P2RX1: variants seen among roughly 807,000 people sequenced by gnomAD.
P2RX1 encodes the protein P2X purinoceptor 1.
P2RX1 carries 42 observed loss-of-function variants against 50.3 expected under a neutral mutation model. The ratio of observed to expected loss-of-function variants is 0.83; its 90% confidence interval spans 0.65 to 1.08. The LOEUF (loss-of-function observed/expected upper bound fraction) is 1.08, where lower values mean the gene tolerates loss of function less well. Ranked by LOEUF, P2RX1 falls within the 50% of genes least tolerant of loss-of-function variation. The pLI is 0.00. For missense variants in P2RX1, 449 were observed against 529.0 expected, an observed-to-expected ratio of 0.85 and a Z score of 1.48; for synonymous variants, 199 against 202.6, an observed-to-expected ratio of 0.98 and a Z score of 0.15.
chr17:3,909,970 CTTTT>C (rs751349796), intron 1 of P2RX1, among the ~76,000 whole-genome samples: 2 of 107,420 alleles, frequency 1.9e-5, no homozygotes, highest in African/African-American at 3.3e-5. Context: ...CTGATAAATT[CTTTT>C]TTTTTTTTTT....
intron 8 of P2RX1, 53 bp from the exon 9 acceptor site, chr17:3,899,077 C>T: frequency 1.5e-6 from 2 of 1,295,148 alleles, no homozygotes; most frequent in African/African-American, 2.9e-5. Context: ...TGTCTTGGGT[C>T]TGGAGTTCTT....
chr17:3,916,434 A>T lies in P2RX1; in HGVS notation c.-209T>A. 1 of 580,376 alleles carries T rather than the reference A, an allele frequency of 1.7e-6. No individual in the cohort carries two copies. 36.0% of individuals were successfully genotyped at this position (580,376 alleles called of 1,614,324 possible). The stretch of plus-strand genomic sequence containing the variant: ...GGAGAGAGAATCCCTGGGTGATCAG[A>T]GCAGCTCTTGGCCCCTGGAAGGCAA... On this transcript the variant is annotated 5_prime_UTR_variant, in exon 1 of 12. Coordinates refer to ENST00000225538, the MANE Select transcript of P2RX1 (RefSeq NM_002558.4).
chr17:3,898,357 A>G, intron 10 of P2RX1, 127 bp downstream of exon 10: 1 of 820,022 alleles, frequency 1.2e-6, no homozygotes, highest in South Asian at 1.4e-5. Context: ...TGGGGTGGGC[A>G]GCTGCTGGCT....
intron 1 of P2RX1, among the ~76,000 whole-genome samples, chr17:3,907,057 G>C (rs2056278592): frequency 6.6e-6 from 1 of 152,112 alleles, no homozygotes; most frequent in Non-Finnish European, 1.5e-5. Flanking sequence ...GATAGAGAGG[G>C]GCAGAATCCT....
chr17:3,909,562 A>G (rs564335690), intron 1 of P2RX1, among the ~76,000 whole-genome samples: 5 of 152,164 alleles, frequency 3.3e-5, no homozygotes, highest in African/African-American at 9.6e-5. Flanking sequence ...TTCAACAAAC[A>G]TGAGCCGGGT....
chr17:3,903,878 T>G lies in P2RX1; in HGVS notation c.524+50A>C, dbSNP rs765311796. On this transcript the variant is annotated intron_variant, in intron 5 of 11. Coordinates refer to ENST00000225538, the MANE Select transcript of P2RX1 (RefSeq NM_002558.4). This position sits in a 1 kb window ranked among gnomAD's most constrained non-coding sequence, Gnocchi z 4.6. Reference sequence around the variant, plus strand: ...TCCTTTCTAGACCTAGGCCCCCCTCTGTCTGGCCTGGGACCCTGTTCTTAG... The same window carrying G: ...TCCTTTCTAGACCTAGGCCCCCCTCGGTCTGGCCTGGGACCCTGTTCTTAG... The G allele has an allele frequency of 2.7e-6, 4 of 1,459,328 alleles. No individual in the cohort carries two copies. The Admixed American group carries it at 6.7e-5, about 24-fold the overall frequency. The allele number at this position is 1,459,328 out of a possible 1,614,324, so 90.4% of individuals were successfully genotyped here.
chr17:3,899,008 C>T lies in P2RX1; in HGVS notation c.892G>A (p.Val298Met), dbSNP rs376505620. Residue 298 changes from valine to methionine, a missense_variant, in exon 9 of 12, where the codon GTG (valine) becomes ATG (methionine). Coordinates refer to ENST00000225538, the MANE Select transcript of P2RX1 (RefSeq NM_002558.4). ...GFNFRFARHFVENGTNYRHLF... is the reference protein window; with the variant it reads ...GFNFRFARHFMENGTNYRHLF... ...TGACGGTAGTTGGTCCCGTTCTCCACAAAGTGCCTGGCAAACCTTGGGGAA... is the reference window on the plus strand; with the variant it reads ...TGACGGTAGTTGGTCCCGTTCTCCATAAAGTGCCTGGCAAACCTTGGGGAA... The T allele has an allele frequency of 1.1e-5, 17 of 1,612,840 alleles. No individual in the cohort carries two copies. The African/African-American group carries it at 2.0e-4, about 19-fold the overall frequency.
rs1259585036 is a variant in P2RX1, at chr17:3,904,891, C to A, written c.324G>T (p.Val108=). 3 of 1,590,324 alleles carry A rather than the reference C, an allele frequency of 1.9e-6. No homozygotes were observed. The African/African-American group carries it at 4.1e-5, about 22-fold the overall frequency. The change falls in exon 3 of 12, where the codon GTG becomes GTT. Residue 108 remains valine (V), a synonymous_variant. Transcript: ENST00000225538. ...AGTAGCCTTGAGTCTGCTTCGGGGT[C>A]ACGATGAAATTGGTCATGACCACGA... ...NSFVVMTNFI[V]TPKQTQGYCA... is the part of the protein sequence containing the mutation.
At chr17:3,902,523 T>C (rs1157314420) in intron 7 of P2RX1, among the ~76,000 whole-genome samples, 1 of 152,094 alleles carries the variant, frequency 6.6e-6, no homozygotes, top group Admixed American at 6.5e-5. Context: ...CTCGAACTCC[T>C]GACCTCAGGT....
chr17:3,897,511 C>T lies in P2RX1; in HGVS notation c.*303G>A, dbSNP rs868558712. 21 of 520,124 alleles carry T rather than the reference C, an allele frequency of 4.0e-5. No homozygotes were observed. The highest frequency in any genetic ancestry group is 2.1e-4 in the African/African-American group (11 of 52,356). The allele number at this position is 520,124 out of a possible 1,614,324, so 32.2% of individuals were successfully genotyped here. Reference sequence around the variant, plus strand: ...GGCAGCGGGTTGGATAATGAGAGTCCGGAGAGAGAAGCACGAAGCTAGGGT... The same window carrying T: ...GGCAGCGGGTTGGATAATGAGAGTCTGGAGAGAGAAGCACGAAGCTAGGGT... On this transcript the variant is annotated 3_prime_UTR_variant, in exon 12 of 12. Coordinates refer to ENST00000225538, the MANE Select transcript of P2RX1 (RefSeq NM_002558.4).
intron 7 of P2RX1, among the ~76,000 whole-genome samples, chr17:3,901,302 C>T (rs894432242): frequency 4.6e-5 from 7 of 152,282 alleles, no homozygotes; most frequent in African/African-American, 1.2e-4. Context: ...CTCCTGACCT[C>T]GTGATCCGCC....
At chr17:3,905,448 A>T (rs911259977) in intron 1 of P2RX1, 81 bp from the exon 2 acceptor site, 1 of 1,527,494 alleles carries the variant, frequency 6.5e-7, no homozygotes, top group Admixed American at 1.7e-5. Flanking sequence ...CCCTCCCCAG[A>T]TGTGCCTCTG....
At chr17:3,898,153 G>A (rs753255257) in intron 10 of P2RX1, 43 bp from the exon 11 acceptor site, 3 of 1,542,022 alleles carry the variant, frequency 1.9e-6, no homozygotes, top group South Asian at 2.2e-5. Context: ...GGAATCCGGG[G>A]GTGGGTACGG....
Position 3,915,186 on chromosome 17 carries a change from C to T in P2RX1, c.137+903G>A, listed in dbSNP as rs138001210. Reference sequence around the variant, plus strand: ...CCCCCTCCAGTGGCCCTGGGGCCTCCAGGAGACCTCTGCAGAGTCACTGTG... The same window carrying T: ...CCCCCTCCAGTGGCCCTGGGGCCTCTAGGAGACCTCTGCAGAGTCACTGTG... On this transcript the variant is annotated intron_variant, in intron 1 of 11. Transcript: ENST00000225538. Among the ~76,000 whole-genome samples, 1,164 of 152,312 alleles carry T rather than the reference C, an allele frequency of 7.6e-3. 26 individuals carry two copies. Among genetic ancestry groups the T allele is most frequent in the East Asian group, 0.069 (357 of 5,178 alleles).
intron 7 of P2RX1, among the ~76,000 whole-genome samples, chr17:3,901,535 C>G (rs928587677): frequency 6.6e-6 from 1 of 152,212 alleles, no homozygotes; most frequent in African/African-American, 2.4e-5. Flanking sequence ...CCACAGCTGA[C>G]TTGGGTAGTT....
intron 1 of P2RX1, among the ~76,000 whole-genome samples, chr17:3,913,783 T>G (rs2056403515): frequency 6.6e-6 from 1 of 152,192 alleles, no homozygotes; most frequent in South Asian, 2.1e-4. Flanking sequence ...TTCCATCCCC[T>G]GGCAGTGCCC....
At chr17:3,897,905 G>T in intron 11 of P2RX1, 26 bp from the exon 12 acceptor site, 1 of 1,613,632 alleles carries the variant, frequency 6.2e-7, no homozygotes, top group Non-Finnish European at 8.5e-7. Flanking sequence ...AAGGGTTGGG[G>T]GATACAAGTC....
Position 3,904,402 on chromosome 17 carries a change from G to A in P2RX1, c.358-3C>T. The A allele has an allele frequency of 2.5e-6, 4 of 1,613,112 alleles. No homozygotes were observed. The highest frequency in any genetic ancestry group is 3.4e-6 in the Non-Finnish European group (4 of 1,179,480). On this transcript the variant is annotated splice_region_variant and splice_polypyrimidine_tract_variant and intron_variant, in intron 3 of 11. Transcript: ENST00000225538. ...TTGCATATGCCCCCTTCTGGGTGCT[G>A]GGGGAGGCAAAAGCTGCTGGTCCCA... is the stretch of plus-strand genomic sequence containing the variant.
At chr17:3,911,583 C>T (rs1445996725) in intron 1 of P2RX1, among the ~76,000 whole-genome samples, 1 of 151,498 alleles carries the variant, frequency 6.6e-6, no homozygotes, top group African/African-American at 2.4e-5. Context: ...TGTCCTGCCT[C>T]CGGTCCCCAC....
Sources: gnomAD v4.1 joint callset for allele counts (sites outside exome capture counted in the v4.1 genomes callset) on GRCh38, gnomAD v4.1.1 for gene constraint, Gnocchi (gnomAD v3.1) non-coding constraint, MANE v1.5 for transcripts, NCBI Gene and HGNC (gene_info 2026-07-23, HGNC 2026-07-21) for gene names.